The following ENO2 variants were observed in gnomAD, a reference collection of about 807,000 sequenced individuals.
ENO2 encodes the protein enolase 2.
A neutral mutation model predicts 48.7 loss-of-function variants in ENO2; 19 were observed. The observed-to-expected ratio is 0.39, with a 90% CI of 0.27 to 0.57. ENO2 has a LOEUF of 0.57. ENO2 is among the 20% of genes least tolerant of loss of function. ENO2 has a pLI of 0.58. For missense variants in ENO2, 416 were observed against 555.0 expected (o/e 0.75, Z 2.52); for synonymous variants, 198 against 213.4 (o/e 0.93, Z 0.63).
At position 6,922,702 on chromosome 12, in the gene ENO2, C is replaced by A; in HGVS notation, c.1236-29C>A. ...AAGCAGGATCCTCCTGCATCCCTGA[C>A]CACTTCCTTTGTGGTTCATCTCTCT... is the stretch of plus-strand genomic sequence containing the variant. On this transcript the variant is annotated intron_variant, in intron 11 of 11. Transcript: ENST00000229277. The surrounding 1 kb of genome is among the most constrained non-coding windows in gnomAD (Gnocchi z 5.3). 6.2e-7 allele frequency: 1 copy of A among 1,613,732 alleles called. No homozygotes were observed. Among genetic ancestry groups the A allele is most frequent in the Non-Finnish European group, 8.5e-7 (1 of 1,179,676 alleles).
At chr12:6,917,486 C>T (rs1945302057) in intron 5 of ENO2, 95 bp from the exon 6 acceptor site, 3 of 1,515,862 alleles carry the variant, frequency 2.0e-6, no homozygotes, top group African/African-American at 1.4e-5. Context: ...GAGGGGGTCT[C>T]CTTTACTGGC....
chr12:6,919,875 G>T (rs1326088066), intron 8 of ENO2, 112 bp downstream of exon 8: 6 of 1,155,164 alleles, frequency 5.2e-6, no homozygotes, highest in South Asian at 1.5e-5. Flanking sequence ...GTCCTAAGAA[G>T]AACCTGAGAA....
At chr12:6,919,823 T>A in intron 8 of ENO2, 60 bp downstream of exon 8, 2 of 1,578,082 alleles carry the variant, frequency 1.3e-6, no homozygotes, top group Non-Finnish European at 1.7e-6. Flanking sequence ...TCCCAGCAAC[T>A]CTGGACCTTA....
At position 6,922,385 on chromosome 12, in the gene ENO2, A is replaced by G. The variant is rs1555142219; in HGVS notation, c.1218A>G (p.Lys406=). ...CGTGCCGTTCTGAACGTCTGGCTAA[A>G]TACAACCAGCTCATGAGGTGAGGGT... ...GAPCRSERLA[K]YNQLMRIEEE... The change falls in exon 11 of 12, where the codon AAA becomes AAG. Residue 406 remains lysine (K), a synonymous_variant. Transcript: ENST00000229277. This position sits in a 1 kb window ranked among gnomAD's most constrained non-coding sequence, Gnocchi z 5.3. The G allele has an allele frequency of 6.2e-7, 1 of 1,614,202 alleles. No homozygotes were observed. Among genetic ancestry groups the G allele is most frequent in the South Asian group, 1.1e-5 (1 of 91,078 alleles).
intron 1 of ENO2, 192 bp from the exon 2 acceptor site, chr12:6,915,626 CCTT>C (rs1299364095): frequency 1.7e-6 from 1 of 574,142 alleles, no homozygotes; most frequent in East Asian, 3.0e-5. Flanking sequence ...ACTGCATTGA[CCTT>C]CTCCTCTTCC....
At position 6,921,762 on chromosome 12, in the gene ENO2, G is replaced by A. The variant is rs17849663; in HGVS notation, c.1047G>A (p.Ser349=). 24 of 1,613,448 alleles carry A rather than the reference G, an allele frequency of 1.5e-5. No individual in the cohort carries two copies. The highest frequency in any genetic ancestry group is 1.7e-4 in the Middle Eastern group (1 of 6,040). The part of the protein sequence containing the change: ...CLLLKVNQIG[S]VTEAIQACKL... ...TGCTCAAGGTCAACCAGATCGGCTC[G>A]GTCACTGAAGCCATCCAAGCGTGAG... Residue 349 remains serine (S), a synonymous_variant, in exon 9 of 12, where the codon TCG becomes TCA. Coordinates refer to ENST00000229277, the MANE Select transcript of ENO2 (RefSeq NM_001975.3).
At position 6,917,086 on chromosome 12, in the gene ENO2, T is replaced by C. The variant is rs376565830; in HGVS notation, c.289T>C (p.Leu97=). Residue 97 remains leucine, a synonymous_variant, in exon 5 of 12, where the codon TTG becomes CTG. Coordinates refer to ENST00000229277, the MANE Select transcript of ENO2 (RefSeq NM_001975.3). ...QEKLDNLMLE[L]DGTENKSKFG... Reference sequence around the variant, plus strand: ...GAAACTGGACAACCTGATGCTGGAGTTGGATGGGACTGAGAACAAATGTGA... The same window carrying C: ...GAAACTGGACAACCTGATGCTGGAGCTGGATGGGACTGAGAACAAATGTGA... 6.2e-7 allele frequency: 1 copy of C among 1,613,618 alleles called. No individual in the cohort carries two copies. The highest frequency in any genetic ancestry group is 1.3e-5 in the African/African-American group (1 of 74,742).
intron 5 of ENO2, chr12:6,917,350 C>T (rs1186495205): frequency 1.4e-6 from 1 of 709,510 alleles, no homozygotes; most frequent in Non-Finnish European, 2.3e-6. Flanking sequence ...TCTGTGGTCT[C>T]AGGGATATTT....
Position 6,916,580 on chromosome 12 carries a change from C to G in ENO2, c.181+68C>G. 6.2e-7 allele frequency: 1 copy of G among 1,611,518 alleles called. No individual in the cohort carries two copies. The highest frequency in any genetic ancestry group is 1.1e-5 in the South Asian group (1 of 90,948). On this transcript the variant is annotated intron_variant, in intron 3 of 11. Transcript: ENST00000229277. This position sits in a 1 kb window ranked among gnomAD's most constrained non-coding sequence, Gnocchi z 4.5. The stretch of plus-strand genomic sequence containing the variant: ...TTATGCCCCTACCTCACACCAGTCC[C>G]CAGTCCTCCTCTAGCATGGCTTCCC...
intron 1 of ENO2, chr12:6,915,569 T>G: frequency 2.1e-6 from 1 of 478,746 alleles, no homozygotes. Context: ...TCCCATCTCA[T>G]CATTTGATCT....
chr12:6,916,675 C>T lies in ENO2; in HGVS notation c.186C>T (p.Val62=), dbSNP rs782023348. The T allele has an allele frequency of 2.4e-5, 38 of 1,614,084 alleles. No individual in the cohort carries two copies. The Middle Eastern group carries it at 4.9e-4, about 21-fold the overall frequency. Residue 62 remains valine, a synonymous_variant, in exon 4 of 12, where the codon GTC becomes GTT. Coordinates refer to ENST00000229277, the MANE Select transcript of ENO2 (RefSeq NM_001975.3). The surrounding 1 kb of genome is among the most constrained non-coding windows in gnomAD (Gnocchi z 4.5). ...GDKQRYLGKG[V]LKAVDHINST... Reference sequence around the variant, plus strand: ...CCAGCCTCTTCCTTTCCCCAGGTGTCCTGAAGGCAGTGGACCACATCAACT... The same window carrying T: ...CCAGCCTCTTCCTTTCCCCAGGTGTTCTGAAGGCAGTGGACCACATCAACT...
intron 1 of ENO2, 57 bp from the exon 2 acceptor site, chr12:6,915,764 A>G: frequency 8.1e-7 from 1 of 1,237,232 alleles, no homozygotes; most frequent in Non-Finnish European, 1.1e-6. Flanking sequence ...CATTGATCTC[A>G]GGCTCCACCC....
In ENO2 at chr12:6,914,899, C is replaced by T. The variant is rs1945273081; in HGVS notation, c.-13+240C>T. Among the ~76,000 whole-genome samples the T allele has an allele frequency of 6.6e-6, 1 of 152,230 alleles. No homozygotes were observed. Among genetic ancestry groups the T allele is most frequent in the Admixed American group, 6.5e-5 (1 of 15,284 alleles). On this transcript the variant is annotated intron_variant, in intron 1 of 11. Transcript: ENST00000229277. The surrounding 1 kb of genome is among the most constrained non-coding windows in gnomAD (Gnocchi z 7.1). ...TGCGCCTCTCCACCCTTGCCTGCCT[C>T]TCTCCCGGTGCTCGCCCTCATCTAC...
chr12:6,914,667 C>G lies in ENO2; in HGVS notation c.-13+8C>G, dbSNP rs1945269284. 1 of 156,718 alleles carries G rather than the reference C, an allele frequency of 6.4e-6. No individual in the cohort carries two copies. Among genetic ancestry groups the G allele is most frequent in the African/African-American group, 2.4e-5 (1 of 41,444 alleles). 9.7% of individuals were successfully genotyped at this position (156,718 alleles called of 1,614,324 possible). ...TGAGTCTGCAGTCCCGAGGTGAAGC[C>G]CCCGCCAGGCCCAGAGCCCCTGTGG... On this transcript the variant is annotated splice_region_variant and intron_variant, in intron 1 of 11. Coordinates refer to ENST00000229277, the MANE Select transcript of ENO2 (RefSeq NM_001975.3). This position sits in a 1 kb window ranked among gnomAD's most constrained non-coding sequence, Gnocchi z 7.1.
Position 6,916,900 on chromosome 12 carries a change from C to T in ENO2, c.241-138C>T. ...CCCTGCTCCCATGGGAGTTCAGGTC[C>T]CCTAATCCAGGTAGGCCCCTGTCAC... is the stretch of plus-strand genomic sequence containing the variant. On this transcript the variant is annotated intron_variant, in intron 4 of 11. Transcript: ENST00000229277. The surrounding 1 kb of genome is among the most constrained non-coding windows in gnomAD (Gnocchi z 4.5). The T allele has an allele frequency of 7.1e-7, 1 of 1,409,038 alleles. No homozygotes were observed. Among genetic ancestry groups the T allele is most frequent in the South Asian group, 1.2e-5 (1 of 82,028 alleles). 87.3% of individuals were successfully genotyped at this position (1,409,038 alleles called of 1,614,324 possible).
In ENO2 at chr12:6,918,091, A is replaced by G; in HGVS notation, c.596A>G (p.Lys199Arg). The change falls in exon 7 of 12, where the codon AAA (lysine) becomes AGA (arginine). Residue 199 changes from lysine (K) to arginine (R), a missense_variant. Physicochemically the swap from Lys to Arg is conservative, Grantham distance 26. Coordinates refer to ENST00000229277, the MANE Select transcript of ENO2 (RefSeq NM_001975.3). ...ACACTCAAGGGAGTCATCAAGGACA[A>G]ATACGGCAAGGATGCCACCAATGTG... ...YHTLKGVIKD[K>R]YGKDATNVGD... The G allele has an allele frequency of 6.2e-7, 1 of 1,614,194 alleles. No individual in the cohort carries two copies. Among genetic ancestry groups the G allele is most frequent in the Middle Eastern group, 1.6e-4 (1 of 6,062 alleles).
rs1555142248 is a variant in ENO2, at chr12:6,922,760, G to C, written c.1265G>C (p.Arg422Pro). 1 of 1,614,056 alleles carries C rather than the reference G, an allele frequency of 6.2e-7. No individual in the cohort carries two copies. Residue 422 changes from arginine (R) to proline (P), a missense_variant, in exon 12 of 12, where the codon CGC (arginine) becomes CCC (proline). Physicochemically the swap from Arg to Pro is moderately radical, Grantham distance 103. Coordinates refer to ENST00000229277, the MANE Select transcript of ENO2 (RefSeq NM_001975.3). The surrounding 1 kb of genome is among the most constrained non-coding windows in gnomAD (Gnocchi z 5.3). ...RIEEELGDEA[R>P]FAGHNFRNPS... ...GAGGAAGAGCTGGGGGATGAAGCTC[G>C]CTTTGCCGGACATAACTTCCGTAAT...
At chr12:6,919,959 C>T (rs782140552) in intron 8 of ENO2, among the ~76,000 whole-genome samples, 196 bp downstream of exon 8, 3 of 152,094 alleles carry the variant, frequency 2.0e-5, no homozygotes, top group Non-Finnish European at 2.9e-5. Context: ...GTACCCGTGA[C>T]CAATCTGTTC....
At chr12:6,918,373 C>T (rs1399174767) in intron 7 of ENO2, among the ~76,000 whole-genome samples, 4 of 148,866 alleles carry the variant, frequency 2.7e-5, no homozygotes, top group African/African-American at 7.5e-5. Context: ...TTTTTTGAGA[C>T]GGAGTCTTGC....
Sources: allele counts gnomAD v4.1 joint callset (sites outside exome capture counted in the v4.1 genomes callset), GRCh38; gene constraint gnomAD v4.1.1; non-coding constraint Gnocchi (gnomAD v3.1); transcripts MANE v1.5; gene names NCBI Gene and HGNC (gene_info 2026-07-23, HGNC 2026-07-21).